LPO: variants seen among roughly 807,000 people sequenced by gnomAD.
LPO encodes salivary peroxidase.
In LPO, 70 loss-of-function variants were observed where a neutral mutation model predicts 68.4. The observed-to-expected ratio is 1.02, with a 90% CI of 0.84 to 1.25. LPO has a LOEUF of 1.25. LPO is among the 50% of genes most tolerant of loss of function. The probability of loss-of-function intolerance (pLI) is 0.00; values close to 1 mark genes in which losing one functional copy is unlikely to be tolerated. For missense variants in LPO, 873 were observed against 908.4 expected (o/e 0.96, Z 0.50); for synonymous variants, 360 against 357.6 (o/e 1.01, Z -0.08).
At chr17:58,266,663 C>T (rs1380933727) in intron 11 of LPO, among the ~76,000 whole-genome samples, 1 of 151,894 alleles carries the variant, frequency 6.6e-6, no homozygotes. Flanking sequence ...TGCTATGTTG[C>T]CCAGGCTGGT....
At chr17:58,244,282 C>T in intron 3 of LPO, 1 of 599,496 alleles carries the variant, frequency 1.7e-6, no homozygotes, top group Non-Finnish European at 3.0e-6. Flanking sequence ...TTCCTAAAGT[C>T]CTCAGCCTGT....
At chr17:58,245,249 G>A (rs1293225749) in intron 3 of LPO, among the ~76,000 whole-genome samples, 1 of 152,246 alleles carries the variant, frequency 6.6e-6, no homozygotes, top group South Asian at 2.1e-4. Context: ...CTCTTTCTGG[G>A]GCTCCTCCTT....
rs769826400 is a variant in LPO, at chr17:58,267,476, C to T, written c.1821C>T (p.Ile607=). 36 of 1,614,082 alleles carry T rather than the reference C, an allele frequency of 2.2e-5. No homozygotes were observed. Among genetic ancestry groups the T allele is most frequent in the Non-Finnish European group, 2.7e-5 (32 of 1,180,040 alleles). Residue 607 remains isoleucine, a synonymous_variant, in exon 12 of 13, where the codon ATC becomes ATT. Transcript: ENST00000262290. ...GTCTCTACGGGACCCCTGACAACAT[C>T]GACATCTGGATAGGGGCCATTGCTG... ...LLGLYGTPDN[I]DIWIGAIAEP...
chr17:58,268,292 T>C lies in LPO; in HGVS notation c.*298T>C, dbSNP rs1038111855. 9 of 415,006 alleles carry C rather than the reference T, an allele frequency of 2.2e-5. No individual in the cohort carries two copies. The highest frequency in any genetic ancestry group is 3.6e-5 in the Non-Finnish European group (8 of 224,408). The allele number at this position is 415,006 out of a possible 1,614,324, so 25.7% of individuals were successfully genotyped here. On this transcript the variant is annotated 3_prime_UTR_variant, in exon 13 of 13. Transcript: ENST00000262290. ...CTCTTCCCTCCACAAGTCTTGGCCC[T>C]TAACCTTTATCTTTCTTCCTGTCCT...
chr17:58,257,988 A>AT (rs1181075299), intron 9 of LPO, among the ~76,000 whole-genome samples: 5 of 152,060 alleles, frequency 3.3e-5, no homozygotes, highest in South Asian at 2.1e-4. Flanking sequence ...GGATTATTAG[A>AT]TTTTTTTCCT....
intron 9 of LPO, among the ~76,000 whole-genome samples, chr17:58,257,382 G>T (rs1401311695): frequency 6.6e-6 from 1 of 152,138 alleles, no homozygotes; most frequent in Non-Finnish European, 1.5e-5. Context: ...AAATAAGTGA[G>T]AACATGCCAT....
intron 8 of LPO, among the ~76,000 whole-genome samples, chr17:58,254,130 TA>T (rs1385786660): frequency 1.1e-5 from 1 of 94,628 alleles, no homozygotes; most frequent in Non-Finnish European, 2.2e-5. Context: ...TAGATGATGA[TA>T]GATATATAGA....
At chr17:58,243,685 A>C in intron 2 of LPO, 2 of 437,716 alleles carry the variant, frequency 4.6e-6, no homozygotes, top group Non-Finnish European at 8.4e-6. Flanking sequence ...CAGGAACCAG[A>C]GAAATCCCCA....
In LPO at chr17:58,259,630, A is replaced by G. The variant is rs1970139355; in HGVS notation, c.1266+4659A>G. On this transcript the variant is annotated intron_variant, in intron 9 of 12. Coordinates refer to ENST00000262290, the MANE Select transcript of LPO (RefSeq NM_006151.3). ...CAAAAAACCTTATGGAAATTTTGAT[A>G]GAAATTGCATTAAAATTATATATAC... is the stretch of plus-strand genomic sequence containing the variant. Among the ~76,000 whole-genome samples the G allele has an allele frequency of 1.3e-5, 2 of 152,250 alleles. 1 individual carries two copies.
chr17:58,256,390 T>G (rs1970069869), intron 9 of LPO, among the ~76,000 whole-genome samples: 1 of 151,534 alleles, frequency 6.6e-6, no homozygotes, highest in South Asian at 2.1e-4. Context: ...GGTCACATGG[T>G]AAGTCCATTT....
intron 7 of LPO, chr17:58,251,792 G>A: frequency 1.3e-5 from 7 of 524,706 alleles, no homozygotes; most frequent in South Asian, 9.9e-5. Context: ...ATGAGTTAAA[G>A]TATGCATAAT....
rs1567816294 is a variant in LPO, at chr17:58,244,094, C to G, written c.164+13C>G. The G allele has an allele frequency of 1.2e-5, 5 of 409,882 alleles. No homozygotes were observed. The East Asian group carries it at 1.5e-4, about 12-fold the overall frequency. The allele number at this position is 409,882 out of a possible 1,614,324, so 25.4% of individuals were successfully genotyped here. ...ACTCCCGAACCAGGTACGTGAGACA[C>G]ACACACACACACACACACACACACA... On this transcript the variant is annotated intron_variant, in intron 3 of 12. Coordinates refer to ENST00000262290, the MANE Select transcript of LPO (RefSeq NM_006151.3).
chr17:58,240,568 C>A (rs1186800140), intron 1 of LPO, among the ~76,000 whole-genome samples: 1 of 152,108 alleles, frequency 6.6e-6, no homozygotes. Context: ...CATACCCGTC[C>A]CTCACACCCA....
intron 2 of LPO, 41 bp from the exon 3 acceptor site, chr17:58,243,953 T>C (rs1454757614): frequency 7.7e-7 from 1 of 1,305,378 alleles, no homozygotes; most frequent in Non-Finnish European, 1.1e-6. Flanking sequence ...AAAGGAGTGG[T>C]GTCTGACACC....
intron 8 of LPO, among the ~76,000 whole-genome samples, chr17:58,253,022 C>CAAAAAAAAAAAAAAAAAAAAAAAAAAAA (rs765890765): frequency 5.8e-4 from 18 of 31,080 alleles, no homozygotes; most frequent in South Asian, 1.5e-3. Context: ...GACTCCATCT[C>CAAAAAAAAAAAAAAAAAAAAAAAAAAAA]AAAAAAAAAA....
At chr17:58,247,401 C>A in intron 3 of LPO, 77 bp from the exon 4 acceptor site, 1 of 1,343,326 alleles carries the variant, frequency 7.4e-7, no homozygotes, top group South Asian at 1.4e-5. Flanking sequence ...GTACACACAC[C>A]CCTCCCACCC....
intron 1 of LPO, 134 bp downstream of exon 1, chr17:58,238,873 AC>A (rs1969705912): frequency 6.6e-6 from 1 of 152,016 alleles, no homozygotes; most frequent in South Asian, 2.1e-4. Flanking sequence ...AGCTTTAGCC[AC>A]CCCATGGCAC....
intron 3 of LPO, chr17:58,244,367 C>T (rs1227668123): frequency 6.9e-6 from 3 of 434,116 alleles, no homozygotes; most frequent in Non-Finnish European, 8.3e-6. Context: ...TTCCTTGGGC[C>T]ATGCATTCCA....
At chr17:58,257,891 G>A (rs1970100907) in intron 9 of LPO, among the ~76,000 whole-genome samples, 1 of 152,188 alleles carries the variant, frequency 6.6e-6, no homozygotes, top group African/African-American at 2.4e-5. Flanking sequence ...GATCAATGAT[G>A]TTGAGCACCT....
Sources: allele counts gnomAD v4.1 joint callset (sites outside exome capture counted in the v4.1 genomes callset), GRCh38; gene constraint gnomAD v4.1.1; transcripts MANE v1.5; gene names NCBI Gene and HGNC (gene_info 2026-07-23, HGNC 2026-07-21).